TRAPPC11: variants seen among roughly 807,000 people sequenced by gnomAD.
The protein encoded by TRAPPC11 is foie gras homolog.
A neutral mutation model predicts 151.2 loss-of-function variants in TRAPPC11; 104 were observed. The ratio of observed to expected loss-of-function variants is 0.69; its 90% CI spans 0.59 to 0.81. The LOEUF (loss-of-function observed/expected upper bound fraction) is 0.81. TRAPPC11 is among the 30% of genes least tolerant of loss of function. The pLI, the probability that TRAPPC11 is intolerant of heterozygous loss-of-function variation, is 0.00. For missense variants in TRAPPC11, 1,230 were observed against 1,349.6 expected (o/e 0.91, Z 1.39); for synonymous variants, 456 against 472.3 (o/e 0.97, Z 0.45).
Position 183,679,376 on chromosome 4 carries a change from C to A in TRAPPC11, c.855C>A (p.His285Gln), listed in dbSNP as rs139419771. Residue 285 changes from histidine (H) to glutamine (Q), a missense_variant, in exon 9 of 30, where the codon CAC becomes CAA. His to Gln is a conservative substitution (Grantham distance 24). Coordinates refer to ENST00000334690, the MANE Select transcript of TRAPPC11 (RefSeq NM_021942.6). ...NYKICRLCFQ[H>Q]NTPLDAIAQF... is the part of the protein sequence containing the mutation. The stretch of plus-strand genomic sequence containing the variant: ...AGATCTGTAGGCTGTGTTTTCAACA[C>A]AACACCCCATTGGATGCAATTGCTC... The A allele has an allele frequency of 3.1e-6, 5 of 1,610,908 alleles. No individual in the cohort carries two copies. Among genetic ancestry groups the A allele is most frequent in the African/African-American group, 2.7e-5 (2 of 74,866 alleles).
chr4:183,665,210 T>G (rs1734796946), intron 2 of TRAPPC11, among the ~76,000 whole-genome samples: 1 of 150,916 alleles, frequency 6.6e-6, no homozygotes, highest in Non-Finnish European at 1.5e-5. Context: ...TTCTCCTGCT[T>G]CAGCCTCCCG....
chr4:183,667,828 T>A (rs1184242380), intron 4 of TRAPPC11, 175 bp from the exon 5 acceptor site: 1 of 611,214 alleles, frequency 1.6e-6, no homozygotes, highest in Non-Finnish European at 2.9e-6. Context: ...ATATACTGTG[T>A]AACCTCTAAG....
Position 183,694,714 on chromosome 4 carries a change from G to T in TRAPPC11, c.2619G>T (p.Lys873Asn), listed in dbSNP as rs1260523372. ...TTGAAGAAAAAGAAATTGTTTGCAAGTGTCACAAGGTATTTTTTTATAGCT... is the reference window on the plus strand; with the variant it reads ...TTGAAGAAAAAGAAATTGTTTGCAATTGTCACAAGGTATTTTTTTATAGCT... ...TTVEEKEIVCKCHKDETVTIE... is the reference protein window; with the variant it reads ...TTVEEKEIVCNCHKDETVTIE... Residue 873 changes from lysine (K) to asparagine (N), a missense_variant, in exon 23 of 30, where the codon AAG becomes AAT. Lys to Asn is a moderately conservative substitution (Grantham distance 94, BLOSUM62 0). Transcript: ENST00000334690. 6.2e-7 allele frequency: 1 copy of T among 1,605,346 alleles called. No individual in the cohort carries two copies. The highest frequency in any genetic ancestry group is 8.5e-7 in the Non-Finnish European group (1 of 1,178,206).
chr4:183,659,661 A>G (rs1734361999), intron 1 of TRAPPC11, among the ~76,000 whole-genome samples: 3 of 152,234 alleles, frequency 2.0e-5, no homozygotes, highest in Admixed American at 2.0e-4. Context: ...ATCTGCCTTT[A>G]GGGACTGCAA....
intron 26 of TRAPPC11, among the ~76,000 whole-genome samples, chr4:183,702,823 G>T (rs56883620): frequency 0.27 from 41,702 of 151,846 alleles, 6,321 homozygotes; most frequent in African/African-American, 0.41. Flanking sequence ...TTTTAAAACA[G>T]GGAATAAAAT....
rs1735881536 is a variant in TRAPPC11 at position 183,684,809 on chromosome 4, A to T, written c.1535A>T (p.Tyr512Phe). ...CSYLMAQLKD[Y>F]ITYSLELLGR... ...TACCTCATGGCCCAATTAAAGGATT[A>T]CATTACTTACTCCCTAGAACTCCTT... Residue 512 changes from tyrosine to phenylalanine, a missense_variant, in exon 15 of 30, where the codon TAC becomes TTC. Physicochemically the swap from Tyr to Phe is conservative, Grantham distance 22. Coordinates refer to ENST00000334690, the MANE Select transcript of TRAPPC11 (RefSeq NM_021942.6). 2.5e-6 allele frequency: 4 copies of T among 1,613,932 alleles called. No homozygotes were observed. The African/African-American group carries it at 5.3e-5, about 22-fold the overall frequency.
At chr4:183,686,134 G>A (rs755484022) in intron 17 of TRAPPC11, among the ~76,000 whole-genome samples, 3 of 151,658 alleles carry the variant, frequency 2.0e-5, no homozygotes, top group Non-Finnish European at 2.9e-5. Flanking sequence ...TACCATGCCT[G>A]GCCTATTTAT....
chr4:183,660,776 CG>C (rs1268896728), intron 1 of TRAPPC11, among the ~76,000 whole-genome samples: 3 of 152,166 alleles, frequency 2.0e-5, no homozygotes, highest in Admixed American at 6.5e-5. Flanking sequence ...TGCAGTGGTG[CG>C]ATCTCGGCTC....
At chr4:183,670,955 C>A (rs991109676) in intron 5 of TRAPPC11, among the ~76,000 whole-genome samples, 1 of 152,172 alleles carries the variant, frequency 6.6e-6, no homozygotes, top group Non-Finnish European at 1.5e-5. Flanking sequence ...TGGTCTTGAA[C>A]TCCTGACCTC....
At chr4:183,666,037 C>T (rs1384546968) in intron 2 of TRAPPC11, among the ~76,000 whole-genome samples, 1 of 150,312 alleles carries the variant, frequency 6.7e-6, no homozygotes, top group Non-Finnish European at 1.5e-5. Context: ...AACTCTTTGG[C>T]TTCAGTCATT....
chr4:183,659,750 G>A (rs1734369588), intron 1 of TRAPPC11, among the ~76,000 whole-genome samples: 2 of 152,164 alleles, frequency 1.3e-5, no homozygotes, highest in African/African-American at 4.8e-5. Context: ...TCCTACGTTG[G>A]ATTGTTGCTT....
chr4:183,663,874 C>T lies in TRAPPC11; in HGVS notation c.7C>T (p.Pro3Ser). The T allele has an allele frequency of 1.2e-6, 2 of 1,613,522 alleles. No homozygotes were observed. The highest frequency in any genetic ancestry group is 1.7e-6 in the Non-Finnish European group (2 of 1,179,658). The change falls in exon 2 of 30, where the codon CCC becomes TCC. Residue 3 changes from proline to serine, a missense_variant. Coordinates refer to ENST00000334690, the MANE Select transcript of TRAPPC11 (RefSeq NM_021942.6). ...TTTTTGTGACATCGTAAACATGAGC[C>T]CCACACAGTGGGACTTCCCTGTGGA... MS[P>S]TQWDFPVELC... is the part of the protein sequence containing the mutation.
chr4:183,670,291 C>A (rs28526357), intron 5 of TRAPPC11, among the ~76,000 whole-genome samples: 74,055 of 151,984 alleles, frequency 0.49, 18,582 homozygotes, highest in African/African-American at 0.6. Flanking sequence ...AGTGATTGTG[C>A]AAATCTTTTG....
rs151173850 is a variant in TRAPPC11, at chr4:183,695,510, T to G, written c.2628+787T>G. ...ACTCTTTGTGTTTCTTATTGGTCTC[T>G]TTTCTATTTCTAGAGATTTTTAACA... On this transcript the variant is annotated intron_variant, in intron 23 of 29. Transcript: ENST00000334690. Among the ~76,000 whole-genome samples the G allele has an allele frequency of 4.2e-4, 64 of 152,360 alleles. 1 individual carries two copies. The highest frequency in any genetic ancestry group is 1.5e-3 in the African/African-American group (62 of 41,594).
Position 183,680,204 on chromosome 4 carries a change from C to G in TRAPPC11, c.1050C>G (p.Tyr350Ter), listed in dbSNP as rs758945305. 2.5e-6 allele frequency: 4 copies of G among 1,613,760 alleles called. No homozygotes were observed. The highest frequency in any genetic ancestry group is 3.4e-6 in the Non-Finnish European group (4 of 1,179,906). The part of the protein sequence containing the change: ...AIQTQNPGFY[Y>*]QQAAYYAQER... The stretch of plus-strand genomic sequence containing the variant: ...AAACTCAGAATCCTGGTTTCTATTA[C>G]CAGCAGGCAGCATACTATGCCCAGG... The change falls in exon 10 of 30, where the codon TAC becomes TAG. Residue 350 changes from tyrosine to a stop codon, truncating the protein, a stop_gained. Coordinates refer to ENST00000334690, the MANE Select transcript of TRAPPC11 (RefSeq NM_021942.6). LOFTEE classifies it high-confidence loss of function.
chr4:183,682,137 T>G (rs1561042068), intron 10 of TRAPPC11, among the ~76,000 whole-genome samples: 1 of 152,364 alleles, frequency 6.6e-6, no homozygotes, highest in Non-Finnish European at 1.5e-5. Context: ...TCTGGAAGAA[T>G]GATAACATAC....
In TRAPPC11 at chr4:183,701,756, G is replaced by A; in HGVS notation, c.2911G>A (p.Gly971Arg). The A allele has an allele frequency of 6.2e-7, 1 of 1,613,932 alleles. No homozygotes were observed. Among genetic ancestry groups the A allele is most frequent in the Admixed American group, 1.7e-5 (1 of 60,006 alleles). ...CTTTTGTCTTCAATGCCCATCTCTT[G>A]GAAATATTGAAGGTGGAGTAGCAAC... ...ECFCLQCPSL[G>R]NIEGGVATGH... Residue 971 changes from glycine (G) to arginine (R), a missense_variant, in exon 26 of 30, where the codon GGA becomes AGA. Coordinates refer to ENST00000334690, the MANE Select transcript of TRAPPC11 (RefSeq NM_021942.6).
chr4:183,667,708 C>T (rs1734953945), intron 4 of TRAPPC11, among the ~76,000 whole-genome samples: 1 of 152,148 alleles, frequency 6.6e-6, no homozygotes. Context: ...TGAATTATTG[C>T]TTCCAGTTTT....
intron 19 of TRAPPC11, 84 bp from the exon 20 acceptor site, chr4:183,692,876 A>G: frequency 8.5e-7 from 1 of 1,171,558 alleles, no homozygotes; most frequent in Non-Finnish European, 1.2e-6. Context: ...TGGTCTTAGC[A>G]GTCGACGATG....
Sources: gnomAD v4.1 joint callset for allele counts (sites outside exome capture counted in the v4.1 genomes callset) on GRCh38, gnomAD v4.1.1 for gene constraint, MANE v1.5 for transcripts, NCBI Gene and HGNC (gene_info 2026-07-23, HGNC 2026-07-21) for gene names.